Variants in XPO7 observed in about 807,000 individuals in gnomAD.
XPO7 encodes exportin 7.
Under a neutral mutation model 144.3 loss-of-function variants are expected in XPO7, and 21 were observed. The ratio of observed to expected loss-of-function variants is 0.15; its 90% confidence interval spans 0.10 to 0.21. The LOEUF (loss-of-function observed/expected upper bound fraction) is 0.21. XPO7 is among the 10% of genes least tolerant of loss of function. The pLI, the probability that XPO7 is intolerant of heterozygous loss-of-function variation, is 1.00. For synonymous variants in XPO7, 580 were observed against 499.6 expected, an observed-to-expected ratio of 1.16 and a Z score of -2.15; for missense variants, 808 against 1,325.8, an observed-to-expected ratio of 0.61 and a Z score of 6.06.
Position 21,985,791 on chromosome 8 carries a change from A to G in XPO7, c.1577+100A>G, listed in dbSNP as rs1812559760. The stretch of plus-strand genomic sequence containing the variant: ...TTACAGAACGTAATCTGAACATGCT[A>G]ACTGCCCATGAGACACAGCTTTCAA... On this transcript the variant is annotated intron_variant, in intron 13 of 27. Transcript: ENST00000252512. The G allele has an allele frequency of 3.0e-6, 3 of 1,005,098 alleles. No homozygotes were observed. The South Asian group carries it at 4.0e-5, about 13-fold the overall frequency. 62.3% of individuals were successfully genotyped at this position (1,005,098 alleles called of 1,614,324 possible).
intron 1 of XPO7, among the ~76,000 whole-genome samples, chr8:21,941,327 T>A (rs1810986114): frequency 6.6e-6 from 1 of 151,988 alleles, no homozygotes; most frequent in Non-Finnish European, 1.5e-5. Flanking sequence ...TAAGAAAATT[T>A]TTTTTTTAGA....
intron 14 of XPO7, 126 bp downstream of exon 14, chr8:21,987,402 T>C (rs1384118847): frequency 1.5e-6 from 2 of 1,343,578 alleles, no homozygotes; most frequent in Non-Finnish European, 2.0e-6. Flanking sequence ...GTCCAAATGT[T>C]TTCTCTTAGT....
chr8:21,981,016 T>C (rs1812392452), intron 9 of XPO7, among the ~76,000 whole-genome samples: 1 of 152,182 alleles, frequency 6.6e-6, no homozygotes, highest in Admixed American at 6.5e-5. Flanking sequence ...TTTCAAAATA[T>C]ACTCAGTTTT....
intron 13 of XPO7, among the ~76,000 whole-genome samples, 159 bp downstream of exon 13, chr8:21,985,850 G>C (rs1812562162): frequency 6.6e-6 from 1 of 152,184 alleles, no homozygotes; most frequent in Non-Finnish European, 1.5e-5. Flanking sequence ...CTCTGCCTAT[G>C]ATCTTTACTT....
intron 1 of XPO7, among the ~76,000 whole-genome samples, chr8:21,965,297 G>A (rs752430079): frequency 1.8e-4 from 27 of 152,056 alleles, no homozygotes; most frequent in Non-Finnish European, 3.7e-4. Context: ...GAGCAGTACT[G>A]GCAAGCATAA....
At position 21,966,868 on chromosome 8, in the gene XPO7, A is replaced by G. The variant is rs777287204; in HGVS notation, c.30A>G (p.Gln10=). The G allele has an allele frequency of 1.2e-6, 2 of 1,612,860 alleles. No individual in the cohort carries two copies. Among genetic ancestry groups the G allele is most frequent in the African/African-American group, 1.3e-5 (1 of 74,890 alleles). MADHVQSLA[Q]LENLCKQLYE... Reference sequence around the variant, plus strand: ...CTGATCTTTTCCAGAGCCTGGCCCAACTAGAGAATCTGTGCAAACAGCTGT... The same window carrying G: ...CTGATCTTTTCCAGAGCCTGGCCCAGCTAGAGAATCTGTGCAAACAGCTGT... The change falls in exon 2 of 28, where the codon CAA becomes CAG. Residue 10 remains glutamine (Q), a synonymous_variant. Transcript: ENST00000252512.
intron 1 of XPO7, among the ~76,000 whole-genome samples, chr8:21,944,495 A>G (rs1336810692): frequency 1.3e-5 from 2 of 152,192 alleles, no homozygotes; most frequent in Non-Finnish European, 2.9e-5. Context: ...TGAACCCAGG[A>G]GGCGGAGGCT....
chr8:21,970,392 A>G lies in XPO7; in HGVS notation c.426+82A>G, dbSNP rs538279642. 1.4e-4 allele frequency: 174 copies of G among 1,269,938 alleles called. 2 individuals carry two copies. In the South Asian group the frequency reaches 2.6e-3, roughly 19 times the overall value. 78.7% of individuals were successfully genotyped at this position (1,269,938 alleles called of 1,614,324 possible). A position where few individuals can be genotyped will look rare whatever the true frequency, so the allele number is the denominator to read the frequency against. ...TAAACACACACACACACACACACAC[A>G]ACTTAACACGCTTATCTACTTTTTA... is the stretch of plus-strand genomic sequence containing the variant. On this transcript the variant is annotated intron_variant, in intron 4 of 27. Coordinates refer to ENST00000252512, the MANE Select transcript of XPO7 (RefSeq NM_015024.5).
intron 1 of XPO7, among the ~76,000 whole-genome samples, chr8:21,948,951 A>G (rs920213798): frequency 6.6e-6 from 1 of 152,228 alleles, no homozygotes; most frequent in Non-Finnish European, 1.5e-5. Flanking sequence ...AGACTCATCC[A>G]TAGTTACTTG....
intron 19 of XPO7, among the ~76,000 whole-genome samples, chr8:21,993,477 TTTG>T (rs1247346290): frequency 2.6e-5 from 4 of 152,132 alleles, no homozygotes; most frequent in Non-Finnish European, 5.9e-5. Flanking sequence ...TTGAGCACAT[TTTG>T]TTGTTGTTGT....
intron 15 of XPO7, 67 bp from the exon 16 acceptor site, chr8:21,988,936 C>T: frequency 2.0e-6 from 3 of 1,468,782 alleles, no homozygotes; most frequent in East Asian, 2.3e-5. Flanking sequence ...TTCTTCTTCT[C>T]CCAGCCCTCA....
chr8:22,001,446 C>G (rs1169275756), intron 24 of XPO7, among the ~76,000 whole-genome samples: 2 of 152,164 alleles, frequency 1.3e-5, no homozygotes, highest in Non-Finnish European at 2.9e-5. Context: ...AGAGTTCTGT[C>G]CACAGGTTGT....
At chr8:21,998,647 C>A in intron 21 of XPO7, 108 bp from the exon 22 acceptor site, 1 of 838,132 alleles carries the variant, frequency 1.2e-6, no homozygotes, top group Admixed American at 2.4e-5. Context: ...AATTGCTTAC[C>A]TTAATGTAAA....
chr8:22,000,719 C>G (rs1813113197), intron 24 of XPO7, among the ~76,000 whole-genome samples: 1 of 152,146 alleles, frequency 6.6e-6, no homozygotes, highest in African/African-American at 2.4e-5. Flanking sequence ...TCCCAAAATA[C>G]TGGGATTACA....
intron 21 of XPO7, among the ~76,000 whole-genome samples, chr8:21,997,547 G>C (rs1373715401): frequency 6.6e-6 from 1 of 152,204 alleles, no homozygotes; most frequent in East Asian, 1.9e-4. Flanking sequence ...GCTGGGACTT[G>C]TGGCAGGAGC....
chr8:21,919,736 G>A lies in XPO7; in HGVS notation c.-35G>A, dbSNP rs866257149. 6 of 382,224 alleles carry A rather than the reference G, an allele frequency of 1.6e-5. No homozygotes were observed. The highest frequency in any genetic ancestry group is 1.0e-4 in the South Asian group (1 of 9,582). 23.7% of individuals were successfully genotyped at this position (382,224 alleles called of 1,614,324 possible). ...TCCGGCCGAGGTGCGCGCTGGGGGG[G>A]AGGGGGGGCCGGAGAGGAGCATGAA... On this transcript the variant is annotated 5_prime_UTR_variant, in exon 1 of 28. Coordinates refer to ENST00000252512, the MANE Select transcript of XPO7 (RefSeq NM_015024.5).
intron 15 of XPO7, 40 bp from the exon 16 acceptor site, chr8:21,988,963 A>G: frequency 6.3e-7 from 1 of 1,594,718 alleles, no homozygotes. Context: ...CCAGCAAATC[A>G]AAAGGGTCTC....
chr8:21,935,957 C>T (rs145266337), intron 1 of XPO7, among the ~76,000 whole-genome samples: 39 of 152,214 alleles, frequency 2.6e-4, no homozygotes, highest in African/African-American at 6.7e-4. Flanking sequence ...TTCTCAAAAC[C>T]TTTTTGTGGA....
At chr8:21,943,415 T>C (rs1426978701) in intron 1 of XPO7, among the ~76,000 whole-genome samples, 2 of 152,206 alleles carry the variant, frequency 1.3e-5, no homozygotes, top group East Asian at 3.8e-4. Context: ...AATATTCTAA[T>C]TCACATCATC....
Sources: gnomAD v4.1 joint callset for allele counts (sites outside exome capture counted in the v4.1 genomes callset) on GRCh38, gnomAD v4.1.1 for gene constraint, MANE v1.5 for transcripts, NCBI Gene and HGNC (gene_info 2026-07-23, HGNC 2026-07-21) for gene names.